Variants in FGF1 observed in about 807,000 individuals in gnomAD.
FGF1 encodes the protein fibroblast growth factor 1.
In FGF1, 9 loss-of-function variants were observed where a neutral mutation model predicts 13.4. The observed-to-expected ratio is 0.67, with a 90% CI of 0.40 to 1.17. The LOEUF is 1.17. Among genes scored for constraint, FGF1 ranks in the 50% most tolerant of loss-of-function variants. The pLI, the probability that FGF1 is intolerant of heterozygous loss-of-function variation, is 0.01. For synonymous variants in FGF1, 93 were observed against 79.0 expected (o/e 1.18, Z -0.94); for missense variants, 156 against 192.7 (o/e 0.81, Z 1.13).
chr5:142,632,032 T>C (rs957849170), intron 1 of FGF1, among the ~76,000 whole-genome samples: 4 of 152,122 alleles, frequency 2.6e-5, no homozygotes, highest in Non-Finnish European at 5.9e-5. Context: ...CCACCCGCCT[T>C]GGCCTCCCAA....
upstream of FGF1, among the ~76,000 whole-genome samples, chr5:142,687,906 C>T (rs928369781): frequency 6.6e-6 from 1 of 152,224 alleles, no homozygotes; most frequent in Non-Finnish European, 1.5e-5. Flanking sequence ...CAGATTCCCC[C>T]CCTCCTAGTG....
intron 1 of FGF1, among the ~76,000 whole-genome samples, chr5:142,683,821 C>CAAAAAAAAAAA (rs768317949): frequency 1.2e-4 from 6 of 49,742 alleles, no homozygotes; most frequent in African/African-American, 1.7e-4. Flanking sequence ...AACTCTGTCT[C>CAAAAAAAAAAA]AAAAAAAAAA....
At chr5:142,653,823 G>A (rs540972916) in intron 1 of FGF1, among the ~76,000 whole-genome samples, 5 of 152,306 alleles carry the variant, frequency 3.3e-5, no homozygotes, top group Admixed American at 6.5e-5. Context: ...GCCTGGTGCC[G>A]TGGCTCACGC....
intron 3 of FGF1, among the ~76,000 whole-genome samples, chr5:142,599,980 A>G (rs75442819): frequency 1.3e-5 from 2 of 152,336 alleles, no homozygotes; most frequent in East Asian, 3.9e-4. Flanking sequence ...GCTATTTTCA[A>G]AGTTTTGTGC....
At chr5:142,606,536 T>C (rs761285534) in intron 2 of FGF1, among the ~76,000 whole-genome samples, 1 of 151,774 alleles carries the variant, frequency 6.6e-6, no homozygotes, top group African/African-American at 2.4e-5. Flanking sequence ...GGCGAGAGAA[T>C]TGCTTGAACC....
At chr5:142,683,906 T>A (rs1168624804) in intron 1 of FGF1, among the ~76,000 whole-genome samples, 1 of 151,564 alleles carries the variant, frequency 6.6e-6, no homozygotes, top group Non-Finnish European at 1.5e-5. Context: ...CATCTCCCCA[T>A]GATCTTTTTA....
chr5:142,637,174 G>T (rs114538847), intron 1 of FGF1, among the ~76,000 whole-genome samples: 2 of 151,852 alleles, frequency 1.3e-5, no homozygotes, highest in African/African-American at 2.4e-5. Context: ...GCCAGCGCAC[G>T]GTACTGGCAG....
At chr5:142,604,893 C>T (rs542964049) in intron 2 of FGF1, among the ~76,000 whole-genome samples, 25 of 152,272 alleles carry the variant, frequency 1.6e-4, no homozygotes, top group Admixed American at 4.6e-4. Context: ...CTGCTTGGAC[C>T]CTCTTGTGTT....
chr5:142,633,608 A>G (rs2151933195), intron 1 of FGF1, among the ~76,000 whole-genome samples: 1 of 152,332 alleles, frequency 6.6e-6, no homozygotes, highest in East Asian at 1.9e-4. Flanking sequence ...ATGCTCTTCC[A>G]GCAGTGTGGG....
At chr5:142,689,922 C>T (rs1204485182), upstream of FGF1, among the ~76,000 whole-genome samples, 2 of 149,562 alleles carry the variant, frequency 1.3e-5, no homozygotes, top group East Asian at 2.0e-4. Flanking sequence ...AGAATGGTCT[C>T]GATCTCCTGA....
intron 1 of FGF1, among the ~76,000 whole-genome samples, chr5:142,675,920 T>C (rs371437967): frequency 2.6e-5 from 4 of 152,306 alleles, no homozygotes; most frequent in African/African-American, 9.6e-5. Context: ...CAAAGCCTTT[T>C]TGTGCATTGA....
intron 1 of FGF1, among the ~76,000 whole-genome samples, chr5:142,625,312 G>A (rs1396609326): frequency 1.5e-5 from 1 of 67,572 alleles, no homozygotes; most frequent in African/African-American, 6.6e-5. Flanking sequence ...AACTACAAGC[G>A]GACACACACA....
At position 142,608,797 on chromosome 5, in the gene FGF1, ATGTG is replaced by A. The variant is rs3083618; in HGVS notation, c.169+5158_169+5161del. ...ATATATATAGTATATGTGATATATT[ATGTG>A]TGTGTGTGTGTGTGTATTTTAAAGT... On this transcript the variant is annotated intron_variant, in intron 2 of 3. Coordinates refer to ENST00000337706, the MANE Select transcript of FGF1 (RefSeq NM_000800.5). 1.9e-3 allele frequency among the ~76,000 whole-genome samples: 270 copies of A among 144,634 alleles called. 3 individuals carry two copies. The East Asian group carries it at 0.036, about 20-fold the overall frequency. The allele number at this position is 144,634 out of a possible 152,430, so 94.9% of individuals were successfully genotyped here.
At chr5:142,665,953 C>T (rs189155836) in intron 1 of FGF1, among the ~76,000 whole-genome samples, 3 of 152,082 alleles carry the variant, frequency 2.0e-5, no homozygotes, top group African/African-American at 7.2e-5. Flanking sequence ...GGCTCTCTGG[C>T]AAACCCTTCT....
At chr5:142,601,622 G>T (rs995707052) in intron 2 of FGF1, among the ~76,000 whole-genome samples, 4 of 152,070 alleles carry the variant, frequency 2.6e-5, no homozygotes, top group East Asian at 1.9e-4. Context: ...AGCTAGGGGG[G>T]GCGGGTGCTA....
rs189811225 is a variant in FGF1 at position 142,606,380 on chromosome 5, G to A, written c.170-5575C>T. On this transcript the variant is annotated intron_variant, in intron 2 of 3. Coordinates refer to ENST00000337706, the MANE Select transcript of FGF1 (RefSeq NM_000800.5). ...TTAAAAAACACAATGCATTCAGGAG[G>A]CCGAGGCAGGTAGATCACGAGGTCA... Among the ~76,000 whole-genome samples, 157 of 151,750 alleles carry A rather than the reference G, an allele frequency of 1.0e-3. 2 individuals are homozygous for A. The highest frequency in any genetic ancestry group is 3.6e-3 in the African/African-American group (151 of 41,380).
intron 1 of FGF1, among the ~76,000 whole-genome samples, chr5:142,657,742 G>T (rs1292691890): frequency 6.6e-6 from 1 of 152,346 alleles, no homozygotes; most frequent in East Asian, 1.9e-4. Context: ...AGCCCAGTGG[G>T]CAGCGGAACT....
At chr5:142,653,521 C>T (rs1767631391) in intron 1 of FGF1, among the ~76,000 whole-genome samples, 1 of 152,108 alleles carries the variant, frequency 6.6e-6, no homozygotes. Context: ...TGATTTGGCC[C>T]CTGGGATACG....
At chr5:142,624,564 ATAG>A (rs1486661891) in intron 1 of FGF1, among the ~76,000 whole-genome samples, 1 of 152,224 alleles carries the variant, frequency 6.6e-6, no homozygotes, top group Non-Finnish European at 1.5e-5. Flanking sequence ...AATGTGCTTA[ATAG>A]TCTTTCTCTT....
Sources: allele counts gnomAD v4.1 joint callset (sites outside exome capture counted in the v4.1 genomes callset), GRCh38; gene constraint gnomAD v4.1.1; transcripts MANE v1.5; gene names NCBI Gene and HGNC (gene_info 2026-07-23, HGNC 2026-07-21).